Variants in NFASC observed in about 807,000 individuals in gnomAD.
The protein encoded by NFASC is neurofascin homolog.
In NFASC, 43 loss-of-function variants were observed where a neutral mutation model predicts 147.5. The observed-to-expected ratio is 0.29, with a 90% CI of 0.23 to 0.38. The LOEUF (loss-of-function observed/expected upper bound fraction) is 0.38. NFASC is among the 10% of genes least tolerant of loss of function. NFASC has a pLI of 1.00. For synonymous variants in NFASC, 622 were observed against 665.5 expected, an observed-to-expected ratio of 0.93 and a Z score of 1.01; for missense variants, 1,320 against 1,689.0, an observed-to-expected ratio of 0.78 and a Z score of 3.83.
intron 11 of NFASC, 146 bp downstream of exon 11, chr1:204,970,893 T>C: frequency 1.0e-6 from 1 of 967,242 alleles, no homozygotes; most frequent in Non-Finnish European, 1.6e-6. Flanking sequence ...TGCCCATCTC[T>C]TCAGACATCT....
At chr1:204,946,720 A>G (rs1383906323) in intron 3 of NFASC, 1 of 519,182 alleles carries the variant, frequency 1.9e-6, no homozygotes, top group East Asian at 5.5e-5. Context: ...TTTCTATAGA[A>G]ACAAGTTAAA....
At chr1:204,868,088 C>A (rs936283258) in intron 1 of NFASC, among the ~76,000 whole-genome samples, 2 of 152,244 alleles carry the variant, frequency 1.3e-5, no homozygotes, top group Non-Finnish European at 2.9e-5. Flanking sequence ...GTTCACTTTC[C>A]ACGCTGGGAA....
chr1:204,988,203 T>C (rs773953575), intron 22 of NFASC, among the ~76,000 whole-genome samples: 2 of 152,376 alleles, frequency 1.3e-5, no homozygotes, highest in Middle Eastern at 3.4e-3. Flanking sequence ...AATTGATCTC[T>C]GGACCAGACC....
At chr1:204,921,661 A>G (rs927482970) in intron 2 of NFASC, among the ~76,000 whole-genome samples, 2 of 152,130 alleles carry the variant, frequency 1.3e-5, no homozygotes, top group Admixed American at 6.5e-5. Flanking sequence ...TGACCTTGGG[A>G]ACGCTGAACC....
chr1:205,002,498 C>G (rs1229911526), intron 26 of NFASC, 98 bp from the exon 27 acceptor site: 3 of 1,056,566 alleles, frequency 2.8e-6, no homozygotes, highest in Non-Finnish European at 3.8e-6. Flanking sequence ...GGTCCCTTCC[C>G]CCACACTTTC....
At chr1:204,857,873 G>T (rs144992258) in intron 1 of NFASC, among the ~76,000 whole-genome samples, 172 of 150,870 alleles carry the variant, frequency 1.1e-3, no homozygotes, top group Admixed American at 1.8e-3. Flanking sequence ...TCTCCATGTG[G>T]TCCTCCCTCT....
At chr1:204,969,453 C>T (rs555975866) in intron 10 of NFASC, among the ~76,000 whole-genome samples, 3 of 152,262 alleles carry the variant, frequency 2.0e-5, no homozygotes, top group South Asian at 4.1e-4. Flanking sequence ...AGGGCCCACC[C>T]GAGTGATTGC....
intron 1 of NFASC, among the ~76,000 whole-genome samples, chr1:204,866,095 A>G (rs2077083423): frequency 6.6e-6 from 1 of 152,196 alleles, no homozygotes; most frequent in African/African-American, 2.4e-5. Flanking sequence ...ACTTTGCTCA[A>G]GTGGACTTTC....
At chr1:204,845,894 T>C (rs58742510) in intron 1 of NFASC, among the ~76,000 whole-genome samples, 6,177 of 151,966 alleles carry the variant, frequency 0.041, 336 homozygotes, top group African/African-American at 0.13. Flanking sequence ...GGCTGAGACC[T>C]CTGACTCTTG....
intron 1 of NFASC, among the ~76,000 whole-genome samples, chr1:204,857,709 GACAAA>G (rs924221277): frequency 6.6e-6 from 1 of 152,100 alleles, no homozygotes; most frequent in Non-Finnish European, 1.5e-5. Flanking sequence ...TGCTAGGGCT[GACAAA>G]ACAAAGTACC....
At chr1:204,984,648 T>C (rs1033730089) in intron 21 of NFASC, among the ~76,000 whole-genome samples, 16 of 138,948 alleles carry the variant, frequency 1.2e-4, no homozygotes, top group African/African-American at 3.9e-4. Flanking sequence ...GCAAAGCCAC[T>C]GAAAGCATGC....
Position 204,980,579 on chromosome 1 carries a change from G to A in NFASC, c.2247+139G>A, listed in dbSNP as rs890361007. The A allele has an allele frequency of 1.2e-5, 8 of 657,678 alleles. No individual in the cohort carries two copies. In the African/African-American group the frequency reaches 1.3e-4, roughly 11 times the overall value. The allele number at this position is 657,678 out of a possible 1,614,324, so 40.7% of individuals were successfully genotyped here. ...CTGGTCTTGGTGGCCATTCTTCTTT[G>A]AGAAACCAAGCTCCTCTCTGAGTTG... is the stretch of plus-strand genomic sequence containing the variant. On this transcript the variant is annotated intron_variant, in intron 20 of 29. Coordinates refer to ENST00000339876, the MANE Select transcript of NFASC (RefSeq NM_001005388.3).
intron 1 of NFASC, among the ~76,000 whole-genome samples, chr1:204,918,610 G>A (rs571828004): frequency 7.7e-6 from 1 of 130,618 alleles, no homozygotes; most frequent in South Asian, 2.4e-4. Context: ...TTTTGAGATA[G>A]GGTCTTGCCC....
intron 1 of NFASC, among the ~76,000 whole-genome samples, chr1:204,846,941 G>C (rs1377898238): frequency 6.7e-6 from 1 of 149,888 alleles, no homozygotes; most frequent in Non-Finnish European, 1.5e-5. Context: ...TGCTGCCTGT[G>C]TGTGTGTACG....
intron 13 of NFASC, 150 bp from the exon 14 acceptor site, chr1:204,974,507 C>A (rs558178939): frequency 2.2e-5 from 22 of 994,456 alleles, no homozygotes; most frequent in Non-Finnish European, 3.3e-5. Context: ...CACCTGGTGG[C>A]TAGAGGCAGA....
intron 1 of NFASC, among the ~76,000 whole-genome samples, chr1:204,861,804 A>T (rs1054365277): frequency 1.3e-5 from 2 of 152,040 alleles, no homozygotes; most frequent in African/African-American, 4.8e-5. Flanking sequence ...TCACTTCTTG[A>T]CACATGCCAG....
intron 8 of NFASC, among the ~76,000 whole-genome samples, chr1:204,959,473 G>A (rs992430482): frequency 4.6e-5 from 7 of 152,232 alleles, no homozygotes; most frequent in Non-Finnish European, 1.5e-5. Context: ...GGGCTGGGAA[G>A]GACAGTGTAG....
Position 204,968,842 on chromosome 1 carries a change from C to A in NFASC, c.863C>A (p.Pro288Gln). Residue 288 changes from proline (P) to glutamine (Q), a missense_variant, in exon 10 of 30, where the codon CCA (proline) becomes CAA (glutamine). By Grantham distance (76) the Pro-to-Gln change is moderately conservative. Transcript: ENST00000339876. This position sits in a 1 kb window ranked among gnomAD's most constrained non-coding sequence, Gnocchi z 5.4. ...IAWYKKGGDL[P>Q]SDKAKFENFN... Reference sequence around the variant, plus strand: ...TGGTACAAGAAAGGTGGGGACCTCCCATCTGATAAGGCCAAGTTTGAGAAC... The same window carrying A: ...TGGTACAAGAAAGGTGGGGACCTCCAATCTGATAAGGCCAAGTTTGAGAAC... 3 of 1,613,882 alleles carry A rather than the reference C, an allele frequency of 1.9e-6. No individual in the cohort carries two copies. The highest frequency in any genetic ancestry group is 1.1e-5 in the South Asian group (1 of 91,052).
At chr1:204,866,105 C>G (rs1218480073) in intron 1 of NFASC, among the ~76,000 whole-genome samples, 1 of 152,206 alleles carries the variant, frequency 6.6e-6, no homozygotes. Context: ...AGTGGACTTT[C>G]TCCTAGCACT....
Sources: allele counts gnomAD v4.1 joint callset (sites outside exome capture counted in the v4.1 genomes callset), GRCh38; gene constraint gnomAD v4.1.1; non-coding constraint Gnocchi (gnomAD v3.1); transcripts MANE v1.5; gene names NCBI Gene and HGNC (gene_info 2026-07-23, HGNC 2026-07-21).